PPFIBP2: variants seen among roughly 807,000 people sequenced by gnomAD.
The protein encoded by PPFIBP2 is liprin-beta-2.
A neutral mutation model predicts 118.3 loss-of-function variants in PPFIBP2; 118 were observed. That is an observed-to-expected ratio of 1.00 (90% CI 0.86 to 1.16). The LOEUF is 1.16. Among genes scored for constraint, PPFIBP2 ranks in the 50% most tolerant of loss-of-function variants. The probability of loss-of-function intolerance (pLI) is 0.00; values close to 1 mark genes in which losing one functional copy is unlikely to be tolerated. For missense variants in PPFIBP2, 1,195 were observed against 1,073.1 expected (o/e 1.11, Z -1.59); for synonymous variants, 414 against 397.4 (o/e 1.04, Z -0.50).
chr11:7,656,412 C>G (rs1429548989), downstream of PPFIBP2, among the ~76,000 whole-genome samples: 4 of 152,224 alleles, frequency 2.6e-5, no homozygotes, highest in Non-Finnish European at 5.9e-5. Flanking sequence ...TGACTCCAAA[C>G]AGGATCAGTT....
chr11:7,537,373 A>T (rs1461070750), intron 1 of PPFIBP2, among the ~76,000 whole-genome samples: 1 of 152,230 alleles, frequency 6.6e-6, no homozygotes, highest in African/African-American at 2.4e-5. Flanking sequence ...CTCAAAGGAG[A>T]CAGGAAACCT....
chr11:7,548,484 C>T (rs1852577086), intron 1 of PPFIBP2: 1 of 151,632 alleles, frequency 6.6e-6, no homozygotes, highest in Admixed American at 6.6e-5. Context: ...AACAGCAACT[C>T]CTCCAGTTTA....
At chr11:7,560,814 C>T (rs1012107330) in intron 2 of PPFIBP2, among the ~76,000 whole-genome samples, 19 of 152,208 alleles carry the variant, frequency 1.2e-4, no homozygotes, top group Admixed American at 2.6e-4. Flanking sequence ...ATTATCATTG[C>T]ATTTGCATTT....
chr11:7,533,169 T>C (rs1241469317), intron 1 of PPFIBP2, among the ~76,000 whole-genome samples: 5 of 152,212 alleles, frequency 3.3e-5, no homozygotes, highest in Admixed American at 2.6e-4. Context: ...CCATCAGTTA[T>C]GTCTCTCACT....
chr11:7,655,007 G>A (rs1324576674), downstream of PPFIBP2, among the ~76,000 whole-genome samples: 1 of 152,146 alleles, frequency 6.6e-6, no homozygotes, highest in Non-Finnish European at 1.5e-5. Flanking sequence ...GAGGAAGGAT[G>A]CCCACCTATG....
chr11:7,632,240 G>C (rs1388854311), intron 11 of PPFIBP2: 1 of 152,194 alleles, frequency 6.6e-6, no homozygotes, highest in Non-Finnish European at 1.5e-5. Flanking sequence ...AGCTTTCTCA[G>C]CCTTCCCTCT....
At chr11:7,655,462 G>A, downstream of PPFIBP2, 2 of 1,289,842 alleles carry the variant, frequency 1.6e-6, no homozygotes, top group Non-Finnish European at 2.0e-6. Context: ...CCGTGACGCA[G>A]ATAGGGCTCC....
chr11:7,517,073 A>G (rs114766743), intron 1 of PPFIBP2, among the ~76,000 whole-genome samples: 5,971 of 152,278 alleles, frequency 0.039, 416 homozygotes, highest in African/African-American at 0.14. Flanking sequence ...TAGCAGGAGC[A>G]TAGTCTGAAT....
At chr11:7,645,162 G>C (rs1050095540) in intron 17 of PPFIBP2, among the ~76,000 whole-genome samples, 1 of 152,038 alleles carries the variant, frequency 6.6e-6, no homozygotes, top group African/African-American at 2.4e-5. Flanking sequence ...GGGCAGCTGT[G>C]GGGGTTTTGG....
chr11:7,616,492 C>T lies in PPFIBP2; in HGVS notation c.619-4443C>T, dbSNP rs147177745. ...GTCAGATTGGCCTTATCGGTTTGGCCGGGAATGTGTCGTGTGGTAGACCAG... is the reference window on the plus strand; with the variant it reads ...GTCAGATTGGCCTTATCGGTTTGGCTGGGAATGTGTCGTGTGGTAGACCAG... On this transcript the variant is annotated intron_variant, in intron 6 of 23. Coordinates refer to ENST00000299492, the MANE Select transcript of PPFIBP2 (RefSeq NM_003621.5). The surrounding 1 kb of genome is among the most constrained non-coding windows in gnomAD (Gnocchi z 5.2). Among the ~76,000 whole-genome samples the T allele has an allele frequency of 1.0e-3, 159 of 152,230 alleles. No homozygotes were observed. The highest frequency in any genetic ancestry group is 1.9e-3 in the East Asian group (10 of 5,186).
At chr11:7,630,861 G>A in intron 10 of PPFIBP2, 64 bp from the exon 11 acceptor site, 1 of 1,130,496 alleles carries the variant, frequency 8.8e-7, no homozygotes, top group Non-Finnish European at 1.3e-6. Context: ...AGAATTTTGT[G>A]GTACGATTAT....
At chr11:7,664,413 G>T in the PPFIBP2 span, among the ~76,000 whole-genome samples, 2 of 149,752 alleles carry the variant, frequency 1.3e-5, no homozygotes, top group East Asian at 3.9e-4. Context: ...GTAATACTCT[G>T]TGATGGAAAT....
chr11:7,607,966 A>T (rs1847596923), intron 5 of PPFIBP2, among the ~76,000 whole-genome samples: 1 of 152,228 alleles, frequency 6.6e-6, no homozygotes, highest in Non-Finnish European at 1.5e-5. Flanking sequence ...GTAATAAAGA[A>T]AGAGAGGGAG....
chr11:7,562,958 T>C (rs1478310142), intron 2 of PPFIBP2, among the ~76,000 whole-genome samples: 2 of 47,282 alleles, frequency 4.2e-5, no homozygotes, highest in Admixed American at 1.5e-4. Context: ...TATATATATA[T>C]ATATATATAT....
chr11:7,522,153 G>A (rs1480436693), intron 1 of PPFIBP2, among the ~76,000 whole-genome samples: 1 of 152,166 alleles, frequency 6.6e-6, no homozygotes, highest in African/African-American at 2.4e-5. Flanking sequence ...AGGTAGCTCA[G>A]GACCTAAATC....
intron 1 of PPFIBP2, among the ~76,000 whole-genome samples, chr11:7,524,269 T>G (rs555973268): frequency 1.3e-5 from 2 of 152,146 alleles, no homozygotes; most frequent in African/African-American, 4.8e-5. Flanking sequence ...CTTGCCTGCT[T>G]AGGCAAGAAA....
chr11:7,651,723 T>C lies in PPFIBP2; in HGVS notation c.2315T>C (p.Leu772Pro). The change falls in exon 23 of 24, where the codon CTC becomes CCC. Residue 772 changes from leucine to proline, a missense_variant. Physicochemically the swap from Leu to Pro is moderately conservative, Grantham distance 98. Transcript: ENST00000299492. The stretch of plus-strand genomic sequence containing the variant: ...CTCAACATCCCCCCACAAAAGACGC[T>C]CCTCAGGCGCCACCTGACCACCAAG... ...MLLNIPPQKT[L>P]LRRHLTTKFN... The C allele has an allele frequency of 6.2e-7, 1 of 1,613,800 alleles. No individual in the cohort carries two copies. Among genetic ancestry groups the C allele is most frequent in the Non-Finnish European group, 8.5e-7 (1 of 1,179,762 alleles).
At chr11:7,521,061 T>C (rs1849714138) in intron 1 of PPFIBP2, among the ~76,000 whole-genome samples, 1 of 152,224 alleles carries the variant, frequency 6.6e-6, no homozygotes, top group Non-Finnish European at 1.5e-5. Flanking sequence ...AGGGGACTGC[T>C]GACTCCGAGC....
intron 3 of PPFIBP2, among the ~76,000 whole-genome samples, chr11:7,590,883 C>G (rs1398636899): frequency 1.3e-5 from 2 of 152,216 alleles, no homozygotes; most frequent in East Asian, 3.8e-4. Flanking sequence ...CAAAATCTGT[C>G]TATGAAAACG....
Sources: gnomAD v4.1 joint callset for allele counts (sites outside exome capture counted in the v4.1 genomes callset) on GRCh38, gnomAD v4.1.1 for gene constraint, Gnocchi (gnomAD v3.1) non-coding constraint, MANE v1.5 for transcripts, NCBI Gene and HGNC (gene_info 2026-07-23, HGNC 2026-07-21) for gene names.